USP32: variants seen among roughly 807,000 people sequenced by gnomAD.
USP32 encodes the protein ubiquitin specific peptidase 32.
USP32 carries 59 observed loss-of-function variants against 204.8 expected under a neutral mutation model. That is an observed-to-expected ratio of 0.29 (90% CI 0.23 to 0.36). The LOEUF (loss-of-function observed/expected upper bound fraction) is 0.36. Among genes scored for constraint, USP32 ranks in the 10% least tolerant of loss-of-function variants. The pLI is 1.00. For synonymous variants in USP32, 517 were observed against 678.4 expected (o/e 0.76, Z 3.70); for missense variants, 1,160 against 1,946.4 (o/e 0.60, Z 7.60).
At chr17:60,201,682 G>A (rs1171703937) in intron 26 of USP32, among the ~76,000 whole-genome samples, 4 of 147,186 alleles carry the variant, frequency 2.7e-5, no homozygotes, top group Admixed American at 6.7e-5. Context: ...TTTTTGAGAC[G>A]GAGTCTCGCT....
intron 33 of USP32, 60 bp from the exon 34 acceptor site, chr17:60,179,488 G>A (rs2084044604): frequency 8.2e-6 from 13 of 1,586,416 alleles, no homozygotes; most frequent in Non-Finnish European, 1.1e-5. Flanking sequence ...CTAAATCCTT[G>A]CCAGGAAAGG....
intron 4 of USP32, among the ~76,000 whole-genome samples, chr17:60,293,749 C>T (rs907012328): frequency 2.5e-4 from 38 of 152,156 alleles, no homozygotes; most frequent in Non-Finnish European, 2.4e-4. Context: ...AATGTCTATA[C>T]AGTCAGGAAG....
At chr17:60,314,887 G>T (rs2145925743) in intron 2 of USP32, among the ~76,000 whole-genome samples, 1 of 152,050 alleles carries the variant, frequency 6.6e-6, no homozygotes, top group Middle Eastern at 3.4e-3. Flanking sequence ...CTTGTAATCA[G>T]AAACAATGCA....
intron 2 of USP32, among the ~76,000 whole-genome samples, chr17:60,324,318 A>C (rs1365221083): frequency 6.6e-6 from 1 of 150,938 alleles, no homozygotes; most frequent in African/African-American, 2.4e-5. Context: ...ATTAAAAACT[A>C]TTTTTAAAAC....
intron 1 of USP32, among the ~76,000 whole-genome samples, chr17:60,383,450 C>T (rs1372472172): frequency 6.6e-6 from 1 of 152,168 alleles, no homozygotes; most frequent in Non-Finnish European, 1.5e-5. Flanking sequence ...ACTTAAAATA[C>T]ATTAGGCACT....
intron 1 of USP32, among the ~76,000 whole-genome samples, chr17:60,349,619 ATATATTAT>A (rs1320693074): frequency 1.3e-5 from 1 of 74,962 alleles, no homozygotes; most frequent in Non-Finnish European, 2.2e-5. Context: ...ATATATATAT[ATATATTAT>A]ATATATATAT....
chr17:60,262,677 C>T (rs2086483082), intron 9 of USP32, among the ~76,000 whole-genome samples: 1 of 152,068 alleles, frequency 6.6e-6, no homozygotes, highest in Admixed American at 6.6e-5. Flanking sequence ...GGTCTACAGC[C>T]TTCAATATAT....
At chr17:60,253,370 A>C (rs1421455752) in intron 10 of USP32, among the ~76,000 whole-genome samples, 2 of 152,064 alleles carry the variant, frequency 1.3e-5, no homozygotes, top group East Asian at 3.9e-4. Context: ...AAGTTCGTAC[A>C]CTCAACATGT....
intron 7 of USP32, among the ~76,000 whole-genome samples, chr17:60,266,955 A>C (rs760727401): frequency 1.4e-4 from 21 of 148,602 alleles, no homozygotes; most frequent in Non-Finnish European, 3.0e-4. Flanking sequence ...TGCCCGGCCA[A>C]TTTTTGTATT....
At chr17:60,212,690 TCTTATA>T (rs1426119955) in intron 18 of USP32, among the ~76,000 whole-genome samples, 1 of 151,900 alleles carries the variant, frequency 6.6e-6, no homozygotes, top group African/African-American at 2.4e-5. Flanking sequence ...CAATGGAATT[TCTTATA>T]CTTAAAACAT....
intron 1 of USP32, chr17:60,421,200 C>T (rs2090109181): frequency 8.5e-6 from 2 of 235,578 alleles, no homozygotes; most frequent in African/African-American, 4.7e-5. Flanking sequence ...GAAAACAGAC[C>T]TTCCATCTTG....
At chr17:60,345,818 C>A (rs1412327906) in intron 1 of USP32, among the ~76,000 whole-genome samples, 2 of 150,974 alleles carry the variant, frequency 1.3e-5, no homozygotes, top group South Asian at 4.2e-4. Flanking sequence ...CCCATCTCTA[C>A]AAAAAAAACA....
intron 12 of USP32, among the ~76,000 whole-genome samples, chr17:60,228,837 T>C (rs960110749): frequency 1.6e-5 from 2 of 123,890 alleles, no homozygotes; most frequent in Admixed American, 8.4e-5. Flanking sequence ...TTTGTTTTTG[T>C]TTTTTTTTTT....
intron 1 of USP32, among the ~76,000 whole-genome samples, chr17:60,373,400 A>C (rs536502183): frequency 2.1e-4 from 32 of 151,960 alleles, no homozygotes; most frequent in Non-Finnish European, 4.0e-4. Context: ...CACCAAATTT[A>C]CTAATTTTTT....
At chr17:60,417,158 T>A (rs575818663) in intron 1 of USP32, among the ~76,000 whole-genome samples, 1 of 152,234 alleles carries the variant, frequency 6.6e-6, no homozygotes, top group East Asian at 1.9e-4. Flanking sequence ...CCTCAGGTGA[T>A]CCACCCACCT....
intron 16 of USP32, among the ~76,000 whole-genome samples, chr17:60,215,498 A>C (rs942814054): frequency 1.3e-5 from 2 of 152,132 alleles, no homozygotes; most frequent in Non-Finnish European, 2.9e-5. Context: ...AAAAAAAAAA[A>C]AACTCAGTGG....
chr17:60,295,473 A>T (rs1378824854), intron 3 of USP32, among the ~76,000 whole-genome samples: 1 of 152,186 alleles, frequency 6.6e-6, no homozygotes, highest in Non-Finnish European at 1.5e-5. Flanking sequence ...AGGTCCAAAA[A>T]TATTAAATGG....
At chr17:60,365,557 T>G (rs1326075253) in intron 1 of USP32, among the ~76,000 whole-genome samples, 1 of 149,642 alleles carries the variant, frequency 6.7e-6, no homozygotes, top group African/African-American at 2.6e-5. Flanking sequence ...TTCAAGGAAT[T>G]AATCTGTAAC....
chr17:60,255,080 G>T, intron 10 of USP32, 95 bp downstream of exon 10: 7 of 764,022 alleles, frequency 9.2e-6, no homozygotes, highest in East Asian at 2.9e-5. Flanking sequence ...TGGTTTTGCA[G>T]CCTAGATACA....
Sources: allele counts gnomAD v4.1 joint callset (sites outside exome capture counted in the v4.1 genomes callset), GRCh38; gene constraint gnomAD v4.1.1; transcripts MANE v1.5; gene names NCBI Gene and HGNC (gene_info 2026-07-23, HGNC 2026-07-21).